Variants in CGREF1 observed in about 807,000 individuals in gnomAD.
CGREF1 encodes cell growth regulator with EF hand domain protein 1.
A neutral mutation model predicts 17.4 loss-of-function variants in CGREF1; 16 were observed. The observed-to-expected ratio is 0.92, with a 90% confidence interval of 0.62 to 1.40. CGREF1 has a LOEUF of 1.40. CGREF1 is among the 40% of genes most tolerant of loss of function. The probability of loss-of-function intolerance (pLI) is 0.00; values close to 1 mark genes in which losing one functional copy is unlikely to be tolerated. For missense variants in CGREF1, 296 were observed against 376.4 expected (o/e 0.79, Z 1.77); for synonymous variants, 142 against 154.6 (o/e 0.92, Z 0.61).
At position 27,104,141 on chromosome 2, in the gene CGREF1, A is replaced by C. The variant is rs1671023982; in HGVS notation, c.80+146T>G. 5.0e-6 allele frequency: 4 copies of C among 797,672 alleles called. No individual in the cohort carries two copies. In the Admixed American group the frequency reaches 9.6e-5, roughly 19 times the overall value. 49.4% of individuals were successfully genotyped at this position (797,672 alleles called of 1,614,324 possible). A position where few individuals can be genotyped will look rare whatever the true frequency, so the allele number is the denominator to read the frequency against. On this transcript the variant is annotated intron_variant, in intron 2 of 5. Transcript: ENST00000402394. ...ACTTTGTGGCACTCTGACAGGCACA[A>C]GATGGGAGGCTGATGGCAGGGAGAT...
chr2:27,100,636 G>A lies in CGREF1; in HGVS notation c.*638C>T. ...TTTAATTAGCTGCATATCACCTTAG[G>A]GTACAGCACTTAACGCAATCTGCCT... On this transcript the variant is annotated 3_prime_UTR_variant, in exon 6 of 6. Transcript: ENST00000402394. 9.0e-7 allele frequency: 1 copy of A among 1,111,150 alleles called. No individual in the cohort carries two copies. Among genetic ancestry groups the A allele is most frequent in the Non-Finnish European group, 1.2e-6 (1 of 851,022 alleles). The allele number at this position is 1,111,150 out of a possible 1,614,324, so 68.8% of individuals were successfully genotyped here.
At chr2:27,110,400 A>G (rs913802459) in intron 1 of CGREF1, among the ~76,000 whole-genome samples, 2 of 16,180 alleles carry the variant, frequency 1.2e-4, no homozygotes, top group Admixed American at 1.1e-3. Context: ...ACTATCTCCA[A>G]AAAAATACAC....
chr2:27,107,542 C>T (rs1281411534), intron 1 of CGREF1, among the ~76,000 whole-genome samples: 3 of 151,684 alleles, frequency 2.0e-5, no homozygotes, highest in Non-Finnish European at 4.4e-5. Context: ...CATGAGTCAC[C>T]GCACCCGGCC....
chr2:27,106,833 G>T (rs1184188863), intron 1 of CGREF1, among the ~76,000 whole-genome samples: 3 of 152,144 alleles, frequency 2.0e-5, no homozygotes, highest in Admixed American at 6.5e-5. Flanking sequence ...GGCCAAGCTG[G>T]TCTCGAACTC....
chr2:27,105,172 C>T (rs2148385508), intron 1 of CGREF1, among the ~76,000 whole-genome samples: 1 of 152,278 alleles, frequency 6.6e-6, no homozygotes, highest in Admixed American at 6.5e-5. Context: ...AGTGTGAGTT[C>T]CTGAGGAAGC....
intron 1 of CGREF1, among the ~76,000 whole-genome samples, chr2:27,105,593 C>T (rs936930562): frequency 3.9e-5 from 6 of 152,178 alleles, no homozygotes; most frequent in African/African-American, 2.4e-5. Context: ...GTCACCCAAG[C>T]TGGAGTGCAG....
intron 1 of CGREF1, among the ~76,000 whole-genome samples, chr2:27,118,516 G>C (rs1671672793): frequency 6.6e-6 from 1 of 152,176 alleles, no homozygotes; most frequent in Non-Finnish European, 1.5e-5. Context: ...TTCCCCGTCG[G>C]ATGAGGGGGA....
At chr2:27,099,625 C>A, downstream of CGREF1, 1 of 1,614,134 alleles carries the variant, frequency 6.2e-7, no homozygotes, top group Non-Finnish European at 8.5e-7. Flanking sequence ...TGTCCCTGCC[C>A]CAAACACCTG....
At chr2:27,109,216 G>GA (rs1671252262) in intron 1 of CGREF1, among the ~76,000 whole-genome samples, 1 of 151,566 alleles carries the variant, frequency 6.6e-6, no homozygotes, top group Admixed American at 6.6e-5. Context: ...CAAAAAATAG[G>GA]AAAAAATTAG....
chr2:27,107,876 G>A (rs2148389463), intron 1 of CGREF1, among the ~76,000 whole-genome samples: 1 of 146,846 alleles, frequency 6.8e-6, no homozygotes, highest in South Asian at 2.2e-4. Context: ...AGAGGTTGCA[G>A]TGAGCTGAGA....
chr2:27,114,468 T>G (rs915088997), intron 1 of CGREF1, among the ~76,000 whole-genome samples: 2 of 152,184 alleles, frequency 1.3e-5, no homozygotes, highest in Middle Eastern at 3.2e-3. Flanking sequence ...CCCACAAAAC[T>G]TGGAGTCTAA....
At chr2:27,116,136 G>A (rs541844955) in intron 1 of CGREF1, among the ~76,000 whole-genome samples, 1 of 151,426 alleles carries the variant, frequency 6.6e-6, no homozygotes, top group African/African-American at 2.4e-5. Flanking sequence ...GCTGATGCAG[G>A]AGGATCACTT....
In CGREF1 at chr2:27,110,124, G is replaced by A. The variant is rs939229300; in HGVS notation, c.-11-5747C>T. Among the ~76,000 whole-genome samples the A allele has an allele frequency of 6.1e-4, 93 of 152,012 alleles. 3 individuals are homozygous for A. Among genetic ancestry groups the A allele is most frequent in the African/African-American group, 4.8e-5 (2 of 41,386 alleles). ...TGTAATTCCAGCACTTTGGGAGGCC[G>A]AGGTGGGAGGATCACTTGAGCCCAG... On this transcript the variant is annotated intron_variant, in intron 1 of 5. Coordinates refer to ENST00000402394, the MANE Select transcript of CGREF1 (RefSeq NM_006569.6).
intron 1 of CGREF1, among the ~76,000 whole-genome samples, chr2:27,108,032 T>C (rs1416739270): frequency 6.6e-6 from 1 of 150,426 alleles, no homozygotes; most frequent in Non-Finnish European, 1.5e-5. Flanking sequence ...AAATAAAAGA[T>C]TGATTTTAAA....
chr2:27,101,203 C>T lies in CGREF1; in HGVS notation c.*71G>A, dbSNP rs1031945479. On this transcript the variant is annotated 3_prime_UTR_variant, in exon 6 of 6. Coordinates refer to ENST00000402394, the MANE Select transcript of CGREF1 (RefSeq NM_006569.6). The stretch of plus-strand genomic sequence containing the variant: ...CAGAGATGGTCCTTGTCCCAGCGTA[C>T]ATTTCCCCTGCCCACTTCAGGGCTT... 1.3e-6 allele frequency: 2 copies of T among 1,509,542 alleles called. No individual in the cohort carries two copies. The highest frequency in any genetic ancestry group is 1.4e-5 in the African/African-American group (1 of 71,566). The allele number at this position is 1,509,542 out of a possible 1,614,324, so 93.5% of individuals were successfully genotyped here.
intron 1 of CGREF1, among the ~76,000 whole-genome samples, chr2:27,107,202 G>GCTA (rs1458819896): frequency 6.6e-6 from 1 of 152,186 alleles, no homozygotes; most frequent in African/African-American, 2.4e-5. Flanking sequence ...ACTTGGAAAA[G>GCTA]CTGTGTTGGA....
At chr2:27,103,914 C>T (rs1279204774) in intron 2 of CGREF1, among the ~76,000 whole-genome samples, 1 of 152,064 alleles carries the variant, frequency 6.6e-6, no homozygotes, top group Non-Finnish European at 1.5e-5. Flanking sequence ...ACCCGGGAGG[C>T]GGAGCTCGCA....
At chr2:27,111,329 T>C (rs747713130) in intron 1 of CGREF1, among the ~76,000 whole-genome samples, 3 of 152,248 alleles carry the variant, frequency 2.0e-5, no homozygotes, top group Non-Finnish European at 2.9e-5. Context: ...CACAGGGTGC[T>C]GATTGGTGTG....
At chr2:27,104,436 G>A (rs1441227535) in intron 1 of CGREF1, 59 bp from the exon 2 acceptor site, 2 of 1,591,930 alleles carry the variant, frequency 1.3e-6, no homozygotes, top group South Asian at 2.3e-5. Flanking sequence ...CCGTGTCACA[G>A]ATGGGCTGGG....
Sources: gnomAD v4.1 joint callset for allele counts (sites outside exome capture counted in the v4.1 genomes callset) on GRCh38, gnomAD v4.1.1 for gene constraint, MANE v1.5 for transcripts, NCBI Gene and HGNC (gene_info 2026-07-23, HGNC 2026-07-21) for gene names.